STK39: variants seen among roughly 807,000 people sequenced by gnomAD.
STK39 encodes the protein STE20/SPS1-related proline-alanine-rich protein kinase.
STK39 carries 20 observed loss-of-function variants against 77.8 expected under a neutral mutation model. That is an observed-to-expected ratio of 0.26 (90% CI 0.18 to 0.37). The LOEUF is 0.37. Among genes scored for constraint, STK39 ranks in the 10% least tolerant of loss-of-function variants. The pLI is 1.00. For synonymous variants in STK39, 246 were observed against 234.1 expected, an observed-to-expected ratio of 1.05 and a Z score of -0.47; for missense variants, 479 against 656.5, an observed-to-expected ratio of 0.73 and a Z score of 2.95.
At chr2:167,997,878 G>A (rs560456158) in intron 16 of STK39, among the ~76,000 whole-genome samples, 91 of 152,018 alleles carry the variant, frequency 6.0e-4, no homozygotes, top group African/African-American at 1.9e-3. Flanking sequence ...AAATTTCTAC[G>A]CCATGAGACA....
At chr2:168,128,844 G>T (rs1297677149) in intron 10 of STK39, among the ~76,000 whole-genome samples, 3 of 151,924 alleles carry the variant, frequency 2.0e-5, no homozygotes. Context: ...TAAAATATGT[G>T]ACTATATACA....
intron 16 of STK39, among the ~76,000 whole-genome samples, chr2:168,005,685 G>A (rs911887854): frequency 2.0e-5 from 3 of 152,148 alleles, no homozygotes; most frequent in African/African-American, 7.2e-5. Flanking sequence ...TAGTACAGCA[G>A]GATGAAAGCC....
At chr2:168,216,782 A>G (rs1690034944) in intron 1 of STK39, among the ~76,000 whole-genome samples, 1 of 152,238 alleles carries the variant, frequency 6.6e-6, no homozygotes, top group Non-Finnish European at 1.5e-5. Context: ...GGATGATCTC[A>G]TGAACAGCAG....
chr2:168,151,505 G>A (rs1281307037), intron 5 of STK39, among the ~76,000 whole-genome samples: 2 of 152,062 alleles, frequency 1.3e-5, no homozygotes, highest in South Asian at 2.1e-4. Flanking sequence ...GGGAGGCCGA[G>A]GCAGTCAGAT....
At position 168,202,410 on chromosome 2, in the gene STK39, C is replaced by T. The variant is rs141236789; in HGVS notation, c.209-20320G>A. 3.0e-3 allele frequency among the ~76,000 whole-genome samples: 456 copies of T among 152,306 alleles called. 2 individuals are homozygous for T. The highest frequency in any genetic ancestry group is 0.011 in the African/African-American group (437 of 41,548). On this transcript the variant is annotated intron_variant, in intron 1 of 17. Transcript: ENST00000355999. ...GTACAGACACATTCACTTTATACTC[C>T]TGACAACCCTATGAAGTATTTTAAC...
chr2:168,163,026 C>CAA (rs11371654), intron 4 of STK39, among the ~76,000 whole-genome samples: 184 of 132,246 alleles, frequency 1.4e-3, no homozygotes, highest in Middle Eastern at 4.0e-3. Context: ...GACTCTGTCT[C>CAA]AAAAAAAAAA....
intron 1 of STK39, among the ~76,000 whole-genome samples, chr2:168,225,823 G>A (rs2105250385): frequency 6.6e-6 from 1 of 152,286 alleles, no homozygotes; most frequent in Admixed American, 6.5e-5. Context: ...CCACACTTGT[G>A]ATTCCTTCCC....
chr2:168,231,185 G>C (rs1207523359), intron 1 of STK39, among the ~76,000 whole-genome samples: 1 of 152,116 alleles, frequency 6.6e-6, no homozygotes, highest in East Asian at 1.9e-4. Context: ...CATTTTGTAA[G>C]GTTACATACT....
intron 10 of STK39, among the ~76,000 whole-genome samples, chr2:168,090,130 C>T (rs1279060534): frequency 6.6e-6 from 1 of 152,140 alleles, no homozygotes; most frequent in Non-Finnish European, 1.5e-5. Flanking sequence ...GTTAAGGTGG[C>T]ATTTGCTACA....
At chr2:167,986,715 A>C (rs1016147188) in intron 16 of STK39, among the ~76,000 whole-genome samples, 2 of 152,208 alleles carry the variant, frequency 1.3e-5, no homozygotes, top group Non-Finnish European at 2.9e-5. Context: ...GAAAACAGAC[A>C]AGAAAGGAAC....
chr2:168,016,904 C>T (rs1684424512), intron 15 of STK39, 139 bp downstream of exon 15: 3 of 628,814 alleles, frequency 4.8e-6, no homozygotes, highest in Non-Finnish European at 7.7e-6. Context: ...ATCAAAAGTC[C>T]TTCCTTCTGT....
chr2:167,970,743 C>A (rs1692312906), intron 16 of STK39, among the ~76,000 whole-genome samples: 3 of 152,212 alleles, frequency 2.0e-5, no homozygotes, highest in Admixed American at 6.5e-5. Flanking sequence ...GCGCCTGTAA[C>A]AAGCTCAATC....
chr2:168,015,032 C>T (rs745607241), intron 15 of STK39, among the ~76,000 whole-genome samples: 9 of 152,152 alleles, frequency 5.9e-5, no homozygotes, highest in South Asian at 2.1e-4. Flanking sequence ...TCCATATCTG[C>T]GTGCGTGCCA....
intron 14 of STK39, among the ~76,000 whole-genome samples, chr2:168,025,090 C>G (rs1344565168): frequency 6.6e-6 from 1 of 152,134 alleles, no homozygotes; most frequent in East Asian, 1.9e-4. Flanking sequence ...CCCAGCTGCC[C>G]TTTCTCTGTG....
intron 15 of STK39, among the ~76,000 whole-genome samples, chr2:168,012,944 A>G (rs113531301): frequency 6.6e-6 from 1 of 152,230 alleles, no homozygotes; most frequent in African/African-American, 2.4e-5. Flanking sequence ...TTGGCGAACT[A>G]AAAAACTTGT....
chr2:168,050,240 A>G (rs555798184), intron 14 of STK39, among the ~76,000 whole-genome samples: 4 of 152,244 alleles, frequency 2.6e-5, no homozygotes, highest in African/African-American at 7.2e-5. Context: ...GCACTGCATC[A>G]GGCCCTGTAA....
chr2:168,117,381 T>C (rs989437835), intron 10 of STK39, among the ~76,000 whole-genome samples: 3 of 152,162 alleles, frequency 2.0e-5, no homozygotes, highest in African/African-American at 7.2e-5. Context: ...AACTTCAATT[T>C]GAAAAATAGT....
chr2:168,155,178 C>A (rs1559123710), intron 5 of STK39, among the ~76,000 whole-genome samples: 1 of 152,120 alleles, frequency 6.6e-6, no homozygotes, highest in Admixed American at 6.5e-5. Context: ...GAGAGTAGAG[C>A]AAAGTGGTTC....
At chr2:168,057,923 C>T (rs941951899) in intron 14 of STK39, among the ~76,000 whole-genome samples, 1 of 152,138 alleles carries the variant, frequency 6.6e-6, no homozygotes, top group African/African-American at 2.4e-5. Context: ...TCCCTGTTCA[C>T]CCATCTGAGA....
Sources: gnomAD v4.1 joint callset for allele counts (sites outside exome capture counted in the v4.1 genomes callset) on GRCh38, gnomAD v4.1.1 for gene constraint, MANE v1.5 for transcripts, NCBI Gene and HGNC (gene_info 2026-07-23, HGNC 2026-07-21) for gene names.